FOXC1: variants seen among roughly 807,000 people sequenced by gnomAD.
The protein encoded by FOXC1 is forkhead box C1, also known as forkhead box protein C1.
Under a neutral mutation model 8.1 loss-of-function variants are expected in FOXC1, and 5 were observed. The ratio of observed to expected loss-of-function variants is 0.62; its 90% CI spans 0.32 to 1.30. The LOEUF (loss-of-function observed/expected upper bound fraction) is 1.30, where lower values mean the gene tolerates loss of function less well. Ranked by LOEUF, FOXC1 falls within the 50% of genes most tolerant of loss-of-function variation. The pLI is 0.05. For synonymous variants in FOXC1, 552 were observed against 417.2 expected (o/e 1.32, Z -3.94); for missense variants, 942 against 858.0 (o/e 1.10, Z -1.22).
Position 1,610,046 on chromosome 6 carries a change from C to G in FOXC1, c.-400C>G, listed in dbSNP as rs1310223562. The stretch of plus-strand genomic sequence containing the variant: ...CCCCCCCCCGCCCTGGTTATTTGGC[C>G]GCCTTCGCCGGCAGCTCAGGGCAGA... On this transcript the variant is annotated 5_prime_UTR_variant, in exon 1 of 1. Coordinates refer to ENST00000645831, the MANE Select transcript of FOXC1 (RefSeq NM_001453.3). 7.6e-6 allele frequency: 1 copy of G among 132,348 alleles called. No individual in the cohort carries two copies. Among genetic ancestry groups the G allele is most frequent in the Non-Finnish European group, 1.6e-5 (1 of 62,550 alleles). The allele number at this position is 132,348 out of a possible 1,614,324, so 8.2% of individuals were successfully genotyped here. A position where few individuals can be genotyped will look rare whatever the true frequency, so the allele number is the denominator to read the frequency against.
chr6:1,612,292 C>G lies in FOXC1; in HGVS notation c.*185C>G, dbSNP rs1581375409. 2.3e-6 allele frequency: 2 copies of G among 884,146 alleles called. No homozygotes were observed. The highest frequency in any genetic ancestry group is 3.5e-6 in the Non-Finnish European group (2 of 574,938). 54.8% of individuals were successfully genotyped at this position (884,146 alleles called of 1,614,324 possible). A position where few individuals can be genotyped will look rare whatever the true frequency, so the allele number is the denominator to read the frequency against. ...CACCAGCACCAGCACGAAGAAAACT[C>G]TATTTTCTTAACCGATTAATTCAGA... On this transcript the variant is annotated 3_prime_UTR_variant, in exon 1 of 1. Coordinates refer to ENST00000645831, the MANE Select transcript of FOXC1 (RefSeq NM_001453.3).
rs1762573436 is a variant in FOXC1, at chr6:1,612,372, G to C, written c.*265G>C. On this transcript the variant is annotated 3_prime_UTR_variant, in exon 1 of 1. Transcript: ENST00000645831. ...ACAAACCCGTAAACTGTTTTATACAGAGACAGCAAAATCTTGGTTTATTAA... is the reference window on the plus strand; with the variant it reads ...ACAAACCCGTAAACTGTTTTATACACAGACAGCAAAATCTTGGTTTATTAA... The C allele has an allele frequency of 3.7e-5, 22 of 594,210 alleles. No individual in the cohort carries two copies. Among genetic ancestry groups the C allele is most frequent in the Non-Finnish European group, 3.3e-5 (11 of 329,604 alleles). The allele number at this position is 594,210 out of a possible 1,614,324, so 36.8% of individuals were successfully genotyped here.
Position 1,610,881 on chromosome 6 carries a change from C to T in FOXC1, c.436C>T (p.Pro146Ser). ...CAAGGTGCCGCGCGACGACAAGAAG[C>T]CGGGCAAGGGCAGCTACTGGACGCT... Reference protein sequence around the residue: ...FVKVPRDDKKPGKGSYWTLDP... With the variant: ...FVKVPRDDKKSGKGSYWTLDP... The change falls in exon 1 of 1, where the codon CCG becomes TCG. Residue 146 changes from proline to serine, a missense_variant. By Grantham distance (74) the Pro-to-Ser change is moderately conservative. Coordinates refer to ENST00000645831, the MANE Select transcript of FOXC1 (RefSeq NM_001453.3). 1 of 1,614,074 alleles carries T rather than the reference C, an allele frequency of 6.2e-7. No individual in the cohort carries two copies. The highest frequency in any genetic ancestry group is 8.5e-7 in the Non-Finnish European group (1 of 1,180,000).
In FOXC1 at chr6:1,611,559, G is replaced by T. The variant is rs770305851; in HGVS notation, c.1114G>T (p.Gly372Cys). 2.5e-6 allele frequency: 3 copies of T among 1,208,592 alleles called. No homozygotes were observed. The highest frequency in any genetic ancestry group is 4.1e-5 in the East Asian group (1 of 24,454). The allele number at this position is 1,208,592 out of a possible 1,614,324, so 74.9% of individuals were successfully genotyped here. A position where few individuals can be genotyped will look rare whatever the true frequency, so the allele number is the denominator to read the frequency against. ...CCCCTGCAGCCAGACCTCCAGCGCG[G>T]GCAGCTCGGGCGGCGGCGGCGGCGG... is the stretch of plus-strand genomic sequence containing the variant. ...SSPCSQTSSA[G>C]SSGGGGGGAG... Residue 372 changes from glycine to cysteine, a missense_variant, in exon 1 of 1, where the codon GGC (glycine) becomes TGC (cysteine). Around this residue, in one of 4 missense-constraint regions of FOXC1, gnomAD observed 726 missense variants for 599.6 expected, o/e 1.21. Coordinates refer to ENST00000645831, the MANE Select transcript of FOXC1 (RefSeq NM_001453.3). The surrounding 1 kb of genome is among the most constrained non-coding windows in gnomAD (Gnocchi z 7.1).
Position 1,610,997 on chromosome 6 carries a change from G to T in FOXC1, c.552G>T (p.Glu184Asp). The T allele has an allele frequency of 6.2e-7, 1 of 1,611,642 alleles. No homozygotes were observed. Among genetic ancestry groups the T allele is most frequent in the Admixed American group, 1.7e-5 (1 of 59,832 alleles). ...FKKKDAVKDK[E>D]EKDRLHLKEP... Reference sequence around the variant, plus strand: ...AGAAGGACGCGGTGAAGGACAAGGAGGAGAAGGACAGGCTGCACCTCAAGG... The same window carrying T: ...AGAAGGACGCGGTGAAGGACAAGGATGAGAAGGACAGGCTGCACCTCAAGG... The change falls in exon 1 of 1, where the codon GAG becomes GAT. Residue 184 changes from glutamate to aspartate, a missense_variant. Around this residue, in one of 4 missense-constraint regions of FOXC1, gnomAD observed 726 missense variants for 599.6 expected, o/e 1.21. Transcript: ENST00000645831.
rs199722397 is a variant in FOXC1 at position 1,610,030 on chromosome 6, G to T, written c.-416G>T. 7.1e-5 allele frequency: 2 copies of T among 28,324 alleles called. No homozygotes were observed. Among genetic ancestry groups the T allele is most frequent in the Non-Finnish European group, 1.5e-4 (2 of 12,910 alleles). The allele number at this position is 28,324 out of a possible 1,614,324, so 1.8% of individuals were successfully genotyped here. ...CCGGCGCGCGGCCCCCCCCCCCCCC[G>T]CCCTGGTTATTTGGCCGCCTTCGCC... On this transcript the variant is annotated 5_prime_UTR_variant, in exon 1 of 1. Transcript: ENST00000645831.
In FOXC1 at chr6:1,611,313, TCCGCGCCGCCGCCGC is replaced by T. The variant is rs1427304424; in HGVS notation, c.876_890del (p.Pro293_Pro297del). On this transcript the variant is annotated inframe_deletion, in exon 1 of 1. Coordinates refer to ENST00000645831, the MANE Select transcript of FOXC1 (RefSeq NM_001453.3). This position sits in a 1 kb window ranked among gnomAD's most constrained non-coding sequence, Gnocchi z 7.1. ...GCCGCTCAGCCTGGACGGTGCGGAT[TCCGCGCCGCCGCCGC>T]CCGCGCCCTCCGCCCCGCCGCCGCA... 5 of 1,401,132 alleles carry T rather than the reference TCCGCGCCGCCGCCGC, an allele frequency of 3.6e-6. No homozygotes were observed. Among genetic ancestry groups the T allele is most frequent in the Middle Eastern group, 2.6e-4 (1 of 3,862 alleles). The allele number at this position is 1,401,132 out of a possible 1,614,324, so 86.8% of individuals were successfully genotyped here. A position where few individuals can be genotyped will look rare whatever the true frequency, so the allele number is the denominator to read the frequency against.
At position 1,612,226 on chromosome 6, in the gene FOXC1, C is replaced by T; in HGVS notation, c.*119C>T. 2.1e-6 allele frequency: 3 copies of T among 1,462,806 alleles called. No individual in the cohort carries two copies. Among genetic ancestry groups the T allele is most frequent in the Admixed American group, 2.1e-5 (1 of 47,596 alleles). The allele number at this position is 1,462,806 out of a possible 1,614,324, so 90.6% of individuals were successfully genotyped here. A position where few individuals can be genotyped will look rare whatever the true frequency, so the allele number is the denominator to read the frequency against. On this transcript the variant is annotated 3_prime_UTR_variant, in exon 1 of 1. Coordinates refer to ENST00000645831, the MANE Select transcript of FOXC1 (RefSeq NM_001453.3). ...ATTAAAAAAAACCCCTGAGAATATT[C>T]ACCACACCAGCGAACAGAATATCCC...
chr6:1,611,434 C>G lies in FOXC1; in HGVS notation c.989C>G (p.Ser330Cys). The change falls in exon 1 of 1, where the codon TCC becomes TGC. Residue 330 changes from serine (S) to cysteine (C), a missense_variant. By Grantham distance (112) the Ser-to-Cys change is moderately radical. Coordinates refer to ENST00000645831, the MANE Select transcript of FOXC1 (RefSeq NM_001453.3). The surrounding 1 kb of genome is among the most constrained non-coding windows in gnomAD (Gnocchi z 7.1). Reference protein sequence around the residue: ...SPQSAAAELSSGLLASAAASS... With the variant: ...SPQSAAAELSCGLLASAAASS... ...CAGAGCGCGGCCGCGGAGCTCAGCT[C>G]CGGCCTTCTGGCCTCGGCGGCCGCG... The G allele has an allele frequency of 2.1e-6, 3 of 1,425,744 alleles. No individual in the cohort carries two copies. Among genetic ancestry groups the G allele is most frequent in the South Asian group, 2.7e-5 (2 of 72,984 alleles). The allele number at this position is 1,425,744 out of a possible 1,614,324, so 88.3% of individuals were successfully genotyped here.
chr6:1,611,153 G>A lies in FOXC1; in HGVS notation c.708G>A (p.Pro236=), dbSNP rs775979008. 1.9e-5 allele frequency: 28 copies of A among 1,441,174 alleles called. No individual in the cohort carries two copies. The East Asian group carries it at 7.4e-4, about 38-fold the overall frequency. The allele number at this position is 1,441,174 out of a possible 1,614,324, so 89.3% of individuals were successfully genotyped here. A position where few individuals can be genotyped will look rare whatever the true frequency, so the allele number is the denominator to read the frequency against. ...CCGAGAACGGTACGTGCCCCTCGCC[G>A]CCCCAGCCCCTGTCCCCGGCCGCCG... ...IKTENGTCPS[P]PQPLSPAAAL... is the part of the protein sequence containing the mutation. Residue 236 remains proline, a synonymous_variant, in exon 1 of 1, where the codon CCG becomes CCA. Coordinates refer to ENST00000645831, the MANE Select transcript of FOXC1 (RefSeq NM_001453.3). The surrounding 1 kb of genome is among the most constrained non-coding windows in gnomAD (Gnocchi z 7.1).
chr6:1,610,936 A>G lies in FOXC1; in HGVS notation c.491A>G (p.Asn164Ser). The G allele has an allele frequency of 6.2e-7, 1 of 1,613,524 alleles. No individual in the cohort carries two copies. Among genetic ancestry groups the G allele is most frequent in the Non-Finnish European group, 8.5e-7 (1 of 1,179,856 alleles). Residue 164 changes from asparagine (N) to serine (S), a missense_variant, in exon 1 of 1, where the codon AAC (asparagine) becomes AGC (serine). By Grantham distance (46) the Asn-to-Ser change is conservative. Transcript: ENST00000645831. Reference sequence around the variant, plus strand: ...CCGGACTCCTACAACATGTTCGAGAACGGCAGCTTCCTGCGGCGGCGGCGG... The same window carrying G: ...CCGGACTCCTACAACATGTTCGAGAGCGGCAGCTTCCTGCGGCGGCGGCGG... The part of the protein sequence containing the change: ...LDPDSYNMFE[N>S]GSFLRRRRRF...
chr6:1,612,996 C>G lies in FOXC1; in HGVS notation c.*889C>G, dbSNP rs902396688. 2 of 226,148 alleles carry G rather than the reference C, an allele frequency of 8.8e-6. No homozygotes were observed. Among genetic ancestry groups the G allele is most frequent in the Non-Finnish European group, 1.9e-5 (2 of 104,518 alleles). The allele number at this position is 226,148 out of a possible 1,614,324, so 14.0% of individuals were successfully genotyped here. On this transcript the variant is annotated 3_prime_UTR_variant, in exon 1 of 1. Coordinates refer to ENST00000645831, the MANE Select transcript of FOXC1 (RefSeq NM_001453.3). ...AAGTCTTTTTGTTTAGATTTATTTT[C>G]CTGCAGCATCTTCTGCAAAATGTAC...
In FOXC1 at chr6:1,613,879, C is replaced by A; in HGVS notation, c.*1772C>A. 1 of 200,576 alleles carries A rather than the reference C, an allele frequency of 5.0e-6. No individual in the cohort carries two copies. The highest frequency in any genetic ancestry group is 8.6e-5 in the East Asian group (1 of 11,600). 12.4% of individuals were successfully genotyped at this position (200,576 alleles called of 1,614,324 possible). A position where few individuals can be genotyped will look rare whatever the true frequency, so the allele number is the denominator to read the frequency against. On this transcript the variant is annotated 3_prime_UTR_variant, in exon 1 of 1. Transcript: ENST00000645831. The stretch of plus-strand genomic sequence containing the variant: ...TAAAGGATTGCTGCAAATAAATACA[C>A]TTTAATTTCAGTCAAAAACTGCTCT...
Position 1,611,905 on chromosome 6 carries a change from G to A in FOXC1, c.1460G>A (p.Ser487Asn). 6.5e-7 allele frequency: 1 copy of A among 1,544,796 alleles called. No homozygotes were observed. Among genetic ancestry groups the A allele is most frequent in the Non-Finnish European group, 8.7e-7 (1 of 1,144,734 alleles). The stretch of plus-strand genomic sequence containing the variant: ...GGCGGAGACCTGGGCCACTTGGCGA[G>A]CGCGGCGGCGGCGGCGGCGGCCGCA... ...QAGGDLGHLA[S>N]AAAAAAAAGY... Residue 487 changes from serine to asparagine, a missense_variant, in exon 1 of 1, where the codon AGC (serine) becomes AAC (asparagine). Ser to Asn is a conservative substitution (Grantham distance 46). Around this residue, in one of 4 missense-constraint regions of FOXC1, gnomAD observed 726 missense variants for 599.6 expected, o/e 1.21. Transcript: ENST00000645831. This position sits in a 1 kb window ranked among gnomAD's most constrained non-coding sequence, Gnocchi z 7.1.
In FOXC1 at chr6:1,611,680, T is replaced by G. The variant is rs1401137904; in HGVS notation, c.1235T>G (p.Leu412Trp). ...GCGGCCGGCGAGCGCGGGGGCCACT[T>G]GCAGGGCGCGCCCGGGGGCGCGGGC... is the stretch of plus-strand genomic sequence containing the variant. Reference protein sequence around the residue: ...LYAAGERGGHLQGAPGGAGGS... With the variant: ...LYAAGERGGHWQGAPGGAGGS... The change falls in exon 1 of 1, where the codon TTG becomes TGG. Residue 412 changes from leucine (L) to tryptophan (W), a missense_variant. Physicochemically the swap from Leu to Trp is moderately conservative, Grantham distance 61 (BLOSUM62 -2). Transcript: ENST00000645831. The surrounding 1 kb of genome is among the most constrained non-coding windows in gnomAD (Gnocchi z 7.1). 3 of 1,411,462 alleles carry G rather than the reference T, an allele frequency of 2.1e-6. No homozygotes were observed. The highest frequency in any genetic ancestry group is 6.1e-5 in the Admixed American group (2 of 32,802). The allele number at this position is 1,411,462 out of a possible 1,614,324, so 87.4% of individuals were successfully genotyped here. A position where few individuals can be genotyped will look rare whatever the true frequency, so the allele number is the denominator to read the frequency against.
Position 1,610,643 on chromosome 6 carries a change from C to T in FOXC1, c.198C>T (p.Pro66=), listed in dbSNP as rs533710669. 3 of 1,612,898 alleles carry T rather than the reference C, an allele frequency of 1.9e-6. No homozygotes were observed. The highest frequency in any genetic ancestry group is 2.7e-5 in the African/African-American group (2 of 74,896). Residue 66 remains proline (P), a synonymous_variant, in exon 1 of 1, where the codon CCC becomes CCT. Coordinates refer to ENST00000645831, the MANE Select transcript of FOXC1 (RefSeq NM_001453.3). The part of the protein sequence containing the change: ...YPGGMARAYG[P]YTPQPQPKDM... Reference sequence around the variant, plus strand: ...GCGGCATGGCCCGCGCCTACGGGCCCTACACGCCGCAGCCGCAGCCCAAGG... The same window carrying T: ...GCGGCATGGCCCGCGCCTACGGGCCTTACACGCCGCAGCCGCAGCCCAAGG...
At position 1,611,587 on chromosome 6, in the gene FOXC1, C is replaced by T. The variant is rs1418660478; in HGVS notation, c.1142C>T (p.Ala381Val). 1.0e-6 allele frequency: 1 copy of T among 966,512 alleles called. No homozygotes were observed. Among genetic ancestry groups the T allele is most frequent in the African/African-American group, 1.9e-5 (1 of 51,650 alleles). The allele number at this position is 966,512 out of a possible 1,614,324, so 59.9% of individuals were successfully genotyped here. Reference protein sequence around the residue: ...AGSSGGGGGGAGAAGGAGGAG... With the variant: ...AGSSGGGGGGVGAAGGAGGAG... ...AGCTCGGGCGGCGGCGGCGGCGGCG[C>T]GGGGGCCGCGGGGGGCGCGGGCGGC... Residue 381 changes from alanine to valine, a missense_variant, in exon 1 of 1, where the codon GCG (alanine) becomes GTG (valine). By Grantham distance (64) the Ala-to-Val change is moderately conservative. Coordinates refer to ENST00000645831, the MANE Select transcript of FOXC1 (RefSeq NM_001453.3). This position sits in a 1 kb window ranked among gnomAD's most constrained non-coding sequence, Gnocchi z 7.1.
chr6:1,610,709 C>T lies in FOXC1; in HGVS notation c.264C>T (p.Thr88=), dbSNP rs1321843393. The change falls in exon 1 of 1, where the codon ACC becomes ACT. Residue 88 remains threonine, a synonymous_variant. Coordinates refer to ENST00000645831, the MANE Select transcript of FOXC1 (RefSeq NM_001453.3). ...KPPYSYIALI[T]MAIQNAPDKK... ...CCTATAGCTACATCGCGCTCATCAC[C>T]ATGGCCATCCAGAACGCCCCGGACA... 6.2e-7 allele frequency: 1 copy of T among 1,614,016 alleles called. No homozygotes were observed. The highest frequency in any genetic ancestry group is 1.3e-5 in the African/African-American group (1 of 75,022).
At position 1,611,042 on chromosome 6, in the gene FOXC1, C is replaced by G. The variant is rs529227054; in HGVS notation, c.597C>G (p.Arg199=). The change falls in exon 1 of 1, where the codon CGC becomes CGG. Residue 199 remains arginine, a synonymous_variant. Transcript: ENST00000645831. This position sits in a 1 kb window ranked among gnomAD's most constrained non-coding sequence, Gnocchi z 7.1. ...TCAAGGAGCCGCCCCCGCCCGGCCGCCAGCCCCCGCCCGCGCCGCCGGAGC... is the reference window on the plus strand; with the variant it reads ...TCAAGGAGCCGCCCCCGCCCGGCCGGCAGCCCCCGCCCGCGCCGCCGGAGC... ...LHLKEPPPPG[R]QPPPAPPEQA... is the part of the protein sequence containing the mutation. 1.2e-4 allele frequency: 178 copies of G among 1,520,688 alleles called. 1 individual carries two copies. In the African/African-American group the frequency reaches 2.4e-3, roughly 21 times the overall value. 94.2% of individuals were successfully genotyped at this position (1,520,688 alleles called of 1,614,324 possible).
Sources: gnomAD v4.1 joint callset for allele counts on GRCh38, gnomAD v4.1.1 for gene constraint, gnomAD v4.1.1 regional missense constraint, Gnocchi (gnomAD v3.1) non-coding constraint, MANE v1.5 for transcripts, NCBI Gene and HGNC (gene_info 2026-07-23, HGNC 2026-07-21) for gene names.